HERC1: variants seen among roughly 807,000 people sequenced by gnomAD.
HERC1 encodes HECT and RLD domain containing E3 ubiquitin protein ligase family member 1.
HERC1 carries 160 observed loss-of-function variants against 554.3 expected under a neutral mutation model. The ratio of observed to expected loss-of-function variants is 0.29; its 90% CI spans 0.25 to 0.33. The LOEUF is 0.33. HERC1 is among the 10% of genes least tolerant of loss of function. The pLI, the probability that HERC1 is intolerant of heterozygous loss-of-function variation, is 1.00. For missense variants in HERC1, 4,919 were observed against 5,918.5 expected, an observed-to-expected ratio of 0.83 and a Z score of 5.54; for synonymous variants, 2,175 against 2,131.7, an observed-to-expected ratio of 1.02 and a Z score of -0.56.
Position 63,608,777 on chromosome 15 carries a change from A to G in HERC1, c.*304T>C, listed in dbSNP as rs2067472409. The G allele has an allele frequency of 4.3e-6, 1 of 235,242 alleles. No homozygotes were observed. The highest frequency in any genetic ancestry group is 8.3e-6 in the Non-Finnish European group (1 of 120,600). 14.6% of individuals were successfully genotyped at this position (235,242 alleles called of 1,614,324 possible). A position where few individuals can be genotyped will look rare whatever the true frequency, so the allele number is the denominator to read the frequency against. ...TCATGTTCACTGGGTGGATTTACAAAAATGTACCATTCCCAACTAAAAATG... is the reference window on the plus strand; with the variant it reads ...TCATGTTCACTGGGTGGATTTACAAGAATGTACCATTCCCAACTAAAAATG... On this transcript the variant is annotated 3_prime_UTR_variant, in exon 78 of 78. Coordinates refer to ENST00000443617, the MANE Select transcript of HERC1 (RefSeq NM_003922.4).
chr15:63,622,428 A>C (rs2068121860), intron 74 of HERC1, among the ~76,000 whole-genome samples: 1 of 151,028 alleles, frequency 6.6e-6, no homozygotes, highest in Admixed American at 6.6e-5. Flanking sequence ...CCTGGGTTCA[A>C]ATCAAGTGAT....
At chr15:63,813,311 GACACAC>G (rs10534978) in intron 1 of HERC1, among the ~76,000 whole-genome samples, 3,368 of 139,524 alleles carry the variant, frequency 0.024, 58 homozygotes, top group Admixed American at 0.033. Flanking sequence ...ATCAGAGATG[GACACAC>G]ACACACACAC....
chr15:63,665,231 A>C (rs1356619936), intron 42 of HERC1, among the ~76,000 whole-genome samples: 1 of 152,198 alleles, frequency 6.6e-6, no homozygotes, highest in Non-Finnish European at 1.5e-5. Flanking sequence ...TACACAGAGA[A>C]GACTTAAAAG....
At chr15:63,728,442 G>A (rs977608707) in intron 16 of HERC1, among the ~76,000 whole-genome samples, 1 of 152,160 alleles carries the variant, frequency 6.6e-6, no homozygotes, top group Admixed American at 6.5e-5. Flanking sequence ...AAATATTTTA[G>A]TTGCTGTGGA....
Position 63,699,827 on chromosome 15 carries a change from A to G in HERC1, c.4637-831T>C, listed in dbSNP as rs558486038. Among the ~76,000 whole-genome samples the G allele has an allele frequency of 7.9e-5, 12 of 152,338 alleles. No homozygotes were observed. The South Asian group carries it at 2.5e-3, about 32-fold the overall frequency. On this transcript the variant is annotated intron_variant, in intron 25 of 77. Transcript: ENST00000443617. ...ACAGCAACTGTCCAAGTCATTTGTCAATATTAGCTTTAAATAAATATATAA... is the reference window on the plus strand; with the variant it reads ...ACAGCAACTGTCCAAGTCATTTGTCGATATTAGCTTTAAATAAATATATAA...
chr15:63,810,569 C>G (rs1408500534), intron 1 of HERC1, among the ~76,000 whole-genome samples: 1 of 152,078 alleles, frequency 6.6e-6, no homozygotes, highest in Admixed American at 6.6e-5. Flanking sequence ...GGAGATATAT[C>G]TTTTGCTATA....
rs2070259596 is a variant in HERC1 at position 63,659,869 on chromosome 15, A to G, written c.9291T>C (p.Leu3097=). ...KLTGEEEFEL[L]AGPLGLNDRR... ...GGTCATTTAAACCAAGCGGTCCAGC[A>G]AGTAATTCAAATTCTTCTTCACCAG... Residue 3097 remains leucine (L), a synonymous_variant, in exon 47 of 78, where the codon CTT becomes CTC. Coordinates refer to ENST00000443617, the MANE Select transcript of HERC1 (RefSeq NM_003922.4). 1.2e-6 allele frequency: 2 copies of G among 1,613,820 alleles called. No individual in the cohort carries two copies. Among genetic ancestry groups the G allele is most frequent in the Non-Finnish European group, 1.7e-6 (2 of 1,179,834 alleles).
At chr15:63,769,763 G>C (rs2075893141) in intron 2 of HERC1, among the ~76,000 whole-genome samples, 6 of 152,078 alleles carry the variant, frequency 3.9e-5, no homozygotes, top group Admixed American at 3.9e-4. Context: ...AGTTGAGGCA[G>C]GAGAATCGCT....
At chr15:63,783,301 A>C (rs756911591) in intron 1 of HERC1, among the ~76,000 whole-genome samples, 9 of 152,152 alleles carry the variant, frequency 5.9e-5, no homozygotes. Context: ...ACCTTTCAGC[A>C]ACCCCCATCC....
At chr15:63,661,147 G>T in intron 45 of HERC1, 122 bp from the exon 46 acceptor site, 2 of 718,370 alleles carry the variant, frequency 2.8e-6, no homozygotes, top group South Asian at 3.4e-5. Context: ...AAAAAAGTAT[G>T]TTTCATGTTA....
rs758773894 is a variant in HERC1 at position 63,774,684 on chromosome 15, T to C, written c.930+10A>G. 48 of 1,572,936 alleles carry C rather than the reference T, an allele frequency of 3.1e-5. No homozygotes were observed. The highest frequency in any genetic ancestry group is 6.8e-5 in the African/African-American group (5 of 73,134). ...TTATGAACTTTAAAGTTGAGACTTA[T>C]AGTACGTACCAAAGAACGCCTCATC... On this transcript the variant is annotated intron_variant, in intron 2 of 77. Coordinates refer to ENST00000443617, the MANE Select transcript of HERC1 (RefSeq NM_003922.4).
At chr15:63,735,918 A>C (rs1451748014) in intron 12 of HERC1, among the ~76,000 whole-genome samples, 1 of 152,194 alleles carries the variant, frequency 6.6e-6, no homozygotes, top group African/African-American at 2.4e-5. Flanking sequence ...AGCTAAAATC[A>C]AAGCTAAAAT....
At chr15:63,833,753 GCACACACACACACACA>G (rs778263359) in intron 1 of HERC1, 58 bp downstream of exon 1, 2 of 46,456 alleles carry the variant, frequency 4.3e-5, no homozygotes, top group South Asian at 5.0e-4. Flanking sequence ...ACGCGCGCGC[GCACACACACACACACA>G]CACACACACA....
rs953020446 is a variant in HERC1, at chr15:63,624,294, C to T, written c.13309G>A (p.Gly4437Ser). ...STSHYNAGTW[G>S]IVQGQLRPLL... ...GGCCGAAGTTGTCCCTGTACAATGC[C>T]CCAAGTTCCAGCATTATAATGGGAT... Residue 4437 changes from glycine (G) to serine (S), a missense_variant, in exon 72 of 78, where the codon GGC becomes AGC. Gly to Ser is a moderately conservative substitution (Grantham distance 56, BLOSUM62 0). Around this residue, in one of 11 missense-constraint regions of HERC1, gnomAD observed 410 missense variants for 467.0 expected, o/e 0.88. Transcript: ENST00000443617. 1 of 1,611,512 alleles carries T rather than the reference C, an allele frequency of 6.2e-7. No homozygotes were observed. The highest frequency in any genetic ancestry group is 1.3e-5 in the African/African-American group (1 of 74,840).
chr15:63,796,602 G>A (rs2076820459), intron 1 of HERC1, among the ~76,000 whole-genome samples: 1 of 152,204 alleles, frequency 6.6e-6, no homozygotes, highest in Admixed American at 6.5e-5. Context: ...AGGTCCTGAT[G>A]ACATGTACCC....
At chr15:63,742,856 G>C (rs57738617) in intron 12 of HERC1, among the ~76,000 whole-genome samples, 1,640 of 152,262 alleles carry the variant, frequency 0.011, 28 homozygotes, top group African/African-American at 0.038. Flanking sequence ...TGGTTTGTTA[G>C]TAGTTTGTTG....
At chr15:63,691,912 C>G (rs922488130) in intron 31 of HERC1, among the ~76,000 whole-genome samples, 7 of 152,118 alleles carry the variant, frequency 4.6e-5, no homozygotes, top group Admixed American at 4.6e-4. Flanking sequence ...CAAAAGAGAA[C>G]AGGAAAGGAC....
chr15:63,833,336 C>T (rs1482714109), intron 1 of HERC1, among the ~76,000 whole-genome samples: 2 of 152,216 alleles, frequency 1.3e-5, no homozygotes, highest in African/African-American at 4.8e-5. Flanking sequence ...GCCTCCACCC[C>T]GCTAAAGGCG....
At position 63,756,803 on chromosome 15, in the gene HERC1, AT is replaced by A; in HGVS notation, c.1222-56del. ...ACTTCTGTGAGTATCAAAGTATAAT[AT>A]TTAAGGCTGGTTTTATCAAAGAGCC... On this transcript the variant is annotated intron_variant, in intron 4 of 77. Coordinates refer to ENST00000443617, the MANE Select transcript of HERC1 (RefSeq NM_003922.4). The surrounding 1 kb of genome is among the most constrained non-coding windows in gnomAD (Gnocchi z 5.0). 1 of 1,121,528 alleles carries A rather than the reference AT, an allele frequency of 8.9e-7. No homozygotes were observed. The highest frequency in any genetic ancestry group is 1.2e-6 in the Non-Finnish European group (1 of 807,290). 69.5% of individuals were successfully genotyped at this position (1,121,528 alleles called of 1,614,324 possible).
Sources: gnomAD v4.1 joint callset for allele counts (sites outside exome capture counted in the v4.1 genomes callset) on GRCh38, gnomAD v4.1.1 for gene constraint, gnomAD v4.1.1 regional missense constraint, Gnocchi (gnomAD v3.1) non-coding constraint, MANE v1.5 for transcripts, NCBI Gene and HGNC (gene_info 2026-07-23, HGNC 2026-07-21) for gene names.